MBD5: variants seen among roughly 807,000 people sequenced by gnomAD.
MBD5 encodes methyl-CpG binding domain protein 5, also known as methyl-CpG-binding domain protein 5.
In MBD5, 13 loss-of-function variants were observed where a neutral mutation model predicts 117.3. The observed-to-expected ratio is 0.11, with a 90% CI of 0.07 to 0.18. The LOEUF (loss-of-function observed/expected upper bound fraction) is 0.18. Ranked by LOEUF, MBD5 falls within the 10% of genes least tolerant of loss-of-function variation. MBD5 has a pLI of 1.00. For synonymous variants in MBD5, 727 were observed against 766.4 expected (o/e 0.95, Z 0.85); for missense variants, 1,879 against 2,093.8 (o/e 0.90, Z 2.00).
chr2:148,124,017 T>C (rs1358408344), intron 1 of MBD5, among the ~76,000 whole-genome samples: 4 of 152,158 alleles, frequency 2.6e-5, no homozygotes, highest in African/African-American at 9.7e-5. Context: ...CTGTGGCTCA[T>C]ACGTGTAATA....
chr2:148,329,803 A>G (rs967578976), intron 3 of MBD5, among the ~76,000 whole-genome samples: 2 of 152,166 alleles, frequency 1.3e-5, no homozygotes, highest in African/African-American at 4.8e-5. Flanking sequence ...TTAACAGGGT[A>G]CTTTGGTTTT....
chr2:148,445,947 C>G (rs1392412948), intron 4 of MBD5, among the ~76,000 whole-genome samples: 2 of 151,214 alleles, frequency 1.3e-5, no homozygotes, highest in African/African-American at 4.9e-5. Context: ...TGAGAAGCGT[C>G]TGTTCATATC....
intron 2 of MBD5, among the ~76,000 whole-genome samples, chr2:148,220,633 A>G (rs1348607058): frequency 2.6e-5 from 4 of 152,084 alleles, no homozygotes; most frequent in Admixed American, 2.6e-4. Flanking sequence ...GTGGGTACCT[A>G]TGTGTATATA....
intron 2 of MBD5, among the ~76,000 whole-genome samples, chr2:148,209,480 T>G (rs1181038601): frequency 6.6e-6 from 1 of 151,780 alleles, no homozygotes; most frequent in Non-Finnish European, 1.5e-5. Context: ...ATCTTGGGCC[T>G]CCCATTCCCC....
intron 3 of MBD5, among the ~76,000 whole-genome samples, chr2:148,315,484 T>G (rs1312132246): frequency 6.6e-6 from 1 of 152,200 alleles, no homozygotes; most frequent in Non-Finnish European, 1.5e-5. Flanking sequence ...CAAGTAAAAT[T>G]GAAGAGTCGG....
chr2:148,055,418 C>CT (rs56877252), intron 1 of MBD5: 63,591 of 140,804 alleles, frequency 0.45, 14,251 homozygotes, highest in East Asian at 0.55. Flanking sequence ...ATAGGTTTTT[C>CT]TTTTTTTTTT....
intron 1 of MBD5, among the ~76,000 whole-genome samples, chr2:148,074,485 T>G (rs28493114): frequency 0.32 from 44,352 of 138,668 alleles, 7,990 homozygotes; most frequent in East Asian, 0.46. Context: ...GAATAGTTTG[T>G]TTTTTTTTTG....
At chr2:148,188,786 A>G (rs1319039409) in intron 2 of MBD5, among the ~76,000 whole-genome samples, 4 of 152,062 alleles carry the variant, frequency 2.6e-5, no homozygotes. Flanking sequence ...GCTCCGGTCT[A>G]CAGCTCCCAG....
chr2:148,183,386 C>T (rs1296663594), intron 2 of MBD5, among the ~76,000 whole-genome samples: 1 of 151,998 alleles, frequency 6.6e-6, no homozygotes, highest in African/African-American at 2.4e-5. Flanking sequence ...AGTTCATGGA[C>T]ACACTAACAA....
chr2:148,059,672 C>G (rs907424240), intron 1 of MBD5, among the ~76,000 whole-genome samples: 6 of 151,316 alleles, frequency 4.0e-5, no homozygotes, highest in Non-Finnish European at 5.9e-5. Flanking sequence ...ACGGAGAAAC[C>G]CCGTCTCTAC....
chr2:148,075,584 C>T (rs910028247), intron 1 of MBD5, among the ~76,000 whole-genome samples: 4 of 151,596 alleles, frequency 2.6e-5, no homozygotes, highest in African/African-American at 9.7e-5. Flanking sequence ...GAGCATTGCA[C>T]CAGTCAGTTT....
intron 10 of MBD5, 89 bp downstream of exon 10, chr2:148,486,039 G>C: frequency 8.2e-7 from 1 of 1,225,450 alleles, no homozygotes; most frequent in Non-Finnish European, 1.2e-6. Context: ...AAAAAAGTAG[G>C]TTACGTGCCC....
chr2:148,475,887 T>A (rs1201609818), intron 8 of MBD5, among the ~76,000 whole-genome samples: 1 of 152,140 alleles, frequency 6.6e-6, no homozygotes, highest in Non-Finnish European at 1.5e-5. Flanking sequence ...TAAATAAAAT[T>A]CTTACCTTCT....
intron 4 of MBD5, among the ~76,000 whole-genome samples, chr2:148,378,443 G>T (rs1364334448): frequency 6.6e-6 from 1 of 152,012 alleles, no homozygotes; most frequent in Non-Finnish European, 1.5e-5. Context: ...TGCCTAATAA[G>T]TTATAGCTCT....
chr2:148,133,498 G>A (rs1697098564), intron 1 of MBD5, among the ~76,000 whole-genome samples: 1 of 152,052 alleles, frequency 6.6e-6, no homozygotes, highest in Non-Finnish European at 1.5e-5. Context: ...TGTCATTTTG[G>A]TTGTCAAATA....
chr2:148,121,984 T>C (rs1032529904), intron 1 of MBD5, among the ~76,000 whole-genome samples: 1 of 152,156 alleles, frequency 6.6e-6, no homozygotes, highest in Non-Finnish European at 1.5e-5. Flanking sequence ...TGGAGTCAAC[T>C]CTCAGTTTCA....
Position 148,468,484 on chromosome 2 carries a change from C to G in MBD5, c.541C>G (p.Leu181Val), listed in dbSNP as rs749628988. 1 of 1,613,840 alleles carries G rather than the reference C, an allele frequency of 6.2e-7. No homozygotes were observed. Among genetic ancestry groups the G allele is most frequent in the Non-Finnish European group, 8.5e-7 (1 of 1,179,842 alleles). ...TGGATCATCAAATGCCATGGGAAGG[C>G]TATATGTACAAGAACTGCCTGGAAG... ...MIGSSNAMGR[L>V]YVQELPGSQQ... The change falls in exon 8 of 14, where the codon CTA becomes GTA. Residue 181 changes from leucine to valine, a missense_variant. By Grantham distance (32) the Leu-to-Val change is conservative. Coordinates refer to ENST00000642680, the MANE Select transcript of MBD5 (RefSeq NM_001378120.1).
At chr2:148,234,840 T>C (rs1228013168) in intron 3 of MBD5, among the ~76,000 whole-genome samples, 1 of 152,230 alleles carries the variant, frequency 6.6e-6, no homozygotes, top group Non-Finnish European at 1.5e-5. Context: ...AATTGCATTT[T>C]AAATATTATT....
intron 2 of MBD5, among the ~76,000 whole-genome samples, chr2:148,214,180 A>AT (rs1188222707): frequency 5.9e-5 from 9 of 152,070 alleles, no homozygotes; most frequent in Admixed American, 1.3e-4. Context: ...AGGCCAACAA[A>AT]TTTTTTCTGC....
Sources: gnomAD v4.1 joint callset for allele counts (sites outside exome capture counted in the v4.1 genomes callset) on GRCh38, gnomAD v4.1.1 for gene constraint, MANE v1.5 for transcripts, NCBI Gene and HGNC (gene_info 2026-07-23, HGNC 2026-07-21) for gene names.